Variants in HIPK3 observed in about 807,000 individuals in gnomAD.
The protein encoded by HIPK3 is homeodomain interacting protein kinase 3.
A neutral mutation model predicts 124.2 loss-of-function variants in HIPK3; 47 were observed. The observed-to-expected ratio is 0.38, with a 90% CI of 0.30 to 0.48. The LOEUF is 0.48. HIPK3 is among the 20% of genes least tolerant of loss of function. The pLI, the probability that HIPK3 is intolerant of heterozygous loss-of-function variation, is 0.98. For missense variants in HIPK3, 1,286 were observed against 1,454.3 expected (o/e 0.88, Z 1.88); for synonymous variants, 482 against 515.2 (o/e 0.94, Z 0.87).
intron 3 of HIPK3, chr11:33,335,798 A>G (rs548821802): frequency 6.6e-6 from 1 of 152,244 alleles, no homozygotes; most frequent in South Asian, 2.1e-4. Flanking sequence ...TTATTCTCAA[A>G]TACAGGTTAG....
chr11:33,315,673 T>G (rs937065775), intron 2 of HIPK3, among the ~76,000 whole-genome samples: 3 of 152,224 alleles, frequency 2.0e-5, no homozygotes, highest in African/African-American at 7.2e-5. Flanking sequence ...CTGACTCCTA[T>G]TTTTATAAAA....
chr11:33,272,803 TTC>T (rs1851168786), intron 1 of HIPK3, among the ~76,000 whole-genome samples: 2 of 10,054 alleles, frequency 2.0e-4, no homozygotes, highest in Non-Finnish European at 3.6e-4. Flanking sequence ...CCTTCCTTCC[TTC>T]CCTCCCTCCC....
Position 33,354,705 on chromosome 11 carries a change from T to G in HIPK3, c.*1137T>G, listed in dbSNP as rs916304446. On this transcript the variant is annotated 3_prime_UTR_variant, in exon 17 of 17. Transcript: ENST00000303296. ...TGATTTATGCATGTGAGAGGGTTTT[T>G]TTTTTTTTTAAGTATTTTTACATTG... 2.0e-5 allele frequency: 3 copies of G among 151,958 alleles called. No individual in the cohort carries two copies. Among genetic ancestry groups the G allele is most frequent in the African/African-American group, 7.3e-5 (3 of 41,374 alleles). 9.4% of individuals were successfully genotyped at this position (151,958 alleles called of 1,614,324 possible).
At chr11:33,350,823 TG>T (rs1853636606) in intron 14 of HIPK3, among the ~76,000 whole-genome samples, 1 of 152,198 alleles carries the variant, frequency 6.6e-6, no homozygotes, top group African/African-American at 2.4e-5. Flanking sequence ...CAAAGCTCTA[TG>T]GAAAATATAA....
chr11:33,321,033 C>G (rs1590398335), intron 2 of HIPK3, among the ~76,000 whole-genome samples: 1 of 152,076 alleles, frequency 6.6e-6, no homozygotes, highest in Non-Finnish European at 1.5e-5. Context: ...AAAGACTGAG[C>G]CTTCAGATAC....
chr11:33,257,040 G>C (rs1276132270), upstream of HIPK3, among the ~76,000 whole-genome samples: 59 of 152,314 alleles, frequency 3.9e-4, no homozygotes, highest in Non-Finnish European at 1.5e-5. Flanking sequence ...CTTTCTTCGG[G>C]TATTGGGATC....
Position 33,353,496 on chromosome 11 carries a change from C to T in HIPK3, c.3576C>T (p.Tyr1192=), listed in dbSNP as rs141882893. Residue 1192 remains tyrosine (Y), a synonymous_variant, in exon 17 of 17, where the codon TAC becomes TAT. Coordinates refer to ENST00000303296, the MANE Select transcript of HIPK3 (RefSeq NM_005734.5). ...QYKPIFPPHS[Y]IAASPAYTGF... The stretch of plus-strand genomic sequence containing the variant: ...AACCAATCTTCCCACCACATTCTTA[C>T]ATTGCAGCATCACCTGCATATACTG... The T allele has an allele frequency of 4.9e-5, 79 of 1,613,996 alleles. No individual in the cohort carries two copies. The highest frequency in any genetic ancestry group is 6.5e-5 in the Non-Finnish European group (77 of 1,179,954).
intron 3 of HIPK3, among the ~76,000 whole-genome samples, chr11:33,332,013 C>A (rs889411046): frequency 5.9e-5 from 9 of 152,178 alleles, no homozygotes; most frequent in Non-Finnish European, 1.2e-4. Context: ...CCTGCCTAGG[C>A]CTCCCAAAGT....
At chr11:33,337,054 G>T in intron 3 of HIPK3, 21 bp from the exon 4 acceptor site, 1 of 1,569,350 alleles carries the variant, frequency 6.4e-7, no homozygotes, top group Non-Finnish European at 8.7e-7. Context: ...AAACTATTCT[G>T]TTCTGTAAAT....
intron 2 of HIPK3, among the ~76,000 whole-genome samples, chr11:33,313,745 T>C (rs565601452): frequency 1.3e-5 from 2 of 152,352 alleles, no homozygotes; most frequent in South Asian, 4.1e-4. Flanking sequence ...CACCATGAGA[T>C]TACGTGAGAT....
intron 3 of HIPK3, among the ~76,000 whole-genome samples, chr11:33,331,997 G>A (rs1458170432): frequency 6.6e-6 from 1 of 152,130 alleles, no homozygotes; most frequent in Non-Finnish European, 1.5e-5. Context: ...GGGCTCAAGT[G>A]GTCCTCCTGC....
At chr11:33,324,379 G>A (rs928723032) in intron 2 of HIPK3, among the ~76,000 whole-genome samples, 2 of 152,190 alleles carry the variant, frequency 1.3e-5, no homozygotes, top group Admixed American at 1.3e-4. Flanking sequence ...GAAAATGCAT[G>A]GCATGCTACG....
chr11:33,306,131 T>C (rs1316424648), intron 2 of HIPK3, among the ~76,000 whole-genome samples: 1 of 152,230 alleles, frequency 6.6e-6, no homozygotes, highest in African/African-American at 2.4e-5. Context: ...AAATCTAATA[T>C]ACTTAAATGA....
intron 6 of HIPK3, among the ~76,000 whole-genome samples, chr11:33,340,579 A>C (rs141105274): frequency 1.3e-5 from 2 of 152,320 alleles, no homozygotes; most frequent in East Asian, 3.9e-4. Context: ...AACACTTAAA[A>C]TGTCCTAATG....
At chr11:33,314,834 G>T (rs890501098) in intron 2 of HIPK3, among the ~76,000 whole-genome samples, 1 of 152,138 alleles carries the variant, frequency 6.6e-6, no homozygotes, top group Non-Finnish European at 1.5e-5. Context: ...CTCTGTTGGT[G>T]TTTTACTGAC....
chr11:33,304,985 G>A (rs1184938281), intron 2 of HIPK3, among the ~76,000 whole-genome samples: 2 of 152,028 alleles, frequency 1.3e-5, no homozygotes, highest in Non-Finnish European at 2.9e-5. Context: ...CTTTGAATAG[G>A]CAAAAACCAA....
chr11:33,337,273 C>T, intron 4 of HIPK3, 79 bp downstream of exon 4: 1 of 691,458 alleles, frequency 1.4e-6, no homozygotes, highest in Non-Finnish European at 2.2e-6. Flanking sequence ...CCTTCCATGT[C>T]TATTTACATT....
In HIPK3 at chr11:33,330,311, G is replaced by GT. The variant is rs919771763; in HGVS notation, c.1221+1685dup. Among the ~76,000 whole-genome samples, 28 of 151,914 alleles carry GT rather than the reference G, an allele frequency of 1.8e-4. No homozygotes were observed. In the South Asian group the frequency reaches 2.3e-3, roughly 12 times the overall value. ...ATCAATAGTCTCACAGTTCAGTGGG[G>GT]TTTTTTTGTCTTTGTTTGTTTTTCT... On this transcript the variant is annotated intron_variant, in intron 3 of 16. Transcript: ENST00000303296.
intron 1 of HIPK3, among the ~76,000 whole-genome samples, chr11:33,268,975 T>C (rs1242848044): frequency 1.3e-5 from 2 of 152,236 alleles, no homozygotes; most frequent in African/African-American, 4.8e-5. Flanking sequence ...GTATCTGAAC[T>C]GTTCCTTAAG....
Sources: gnomAD v4.1 joint callset for allele counts (sites outside exome capture counted in the v4.1 genomes callset) on GRCh38, gnomAD v4.1.1 for gene constraint, MANE v1.5 for transcripts, NCBI Gene and HGNC (gene_info 2026-07-23, HGNC 2026-07-21) for gene names.